Variants in KANSL1 observed in about 807,000 individuals in gnomAD.
KANSL1 encodes the protein KAT8 regulatory NSL complex subunit 1.
KANSL1 carries 22 observed loss-of-function variants against 103.6 expected under a neutral mutation model. The ratio of observed to expected loss-of-function variants is 0.21; its 90% CI spans 0.15 to 0.30. KANSL1 has a LOEUF of 0.30. Among genes scored for constraint, KANSL1 ranks in the 10% least tolerant of loss-of-function variants. The pLI is 1.00. For synonymous variants in KANSL1, 600 were observed against 527.6 expected, an observed-to-expected ratio of 1.14 and a Z score of -1.88; for missense variants, 1,337 against 1,399.8, an observed-to-expected ratio of 0.96 and a Z score of 0.72.
chr17:46,104,898 C>A (rs1032159824), intron 2 of KANSL1, among the ~76,000 whole-genome samples: 2 of 152,112 alleles, frequency 1.3e-5, no homozygotes, highest in African/African-American at 4.8e-5. Context: ...TCACTGCAAC[C>A]TCTGCTTCCC....
intron 2 of KANSL1, among the ~76,000 whole-genome samples, chr17:46,138,691 G>C (rs1402934612): frequency 6.6e-6 from 1 of 152,248 alleles, no homozygotes; most frequent in African/African-American, 2.4e-5. Flanking sequence ...CTAGTTGTGT[G>C]AATACATACG....
chr17:46,115,725 G>C (rs902272916), intron 2 of KANSL1, among the ~76,000 whole-genome samples: 2 of 152,184 alleles, frequency 1.3e-5, no homozygotes, highest in Non-Finnish European at 2.9e-5. Flanking sequence ...CTTTAGGAAA[G>C]CCAACCGATA....
Position 46,031,457 on chromosome 17 carries a change from T to A in KANSL1, c.*19A>T. 6.3e-7 allele frequency: 1 copy of A among 1,578,238 alleles called. No homozygotes were observed. The highest frequency in any genetic ancestry group is 8.7e-7 in the Non-Finnish European group (1 of 1,155,630). On this transcript the variant is annotated 3_prime_UTR_variant, in exon 15 of 15. Coordinates refer to ENST00000432791, the MANE Select transcript of KANSL1 (RefSeq NM_015443.4). ...TAATGCCAATAGTTAGTGAGTCTGTTTAGATGGCTGTCTCCCGCTCATCTG... is the reference window on the plus strand; with the variant it reads ...TAATGCCAATAGTTAGTGAGTCTGTATAGATGGCTGTCTCCCGCTCATCTG...
intron 2 of KANSL1, among the ~76,000 whole-genome samples, chr17:46,098,705 T>C (rs1334243972): frequency 6.6e-6 from 1 of 152,236 alleles, no homozygotes; most frequent in African/African-American, 2.4e-5. Flanking sequence ...ACAAGTTTCA[T>C]TTTACAAGTG....
chr17:46,033,012 A>G (rs917130986), intron 13 of KANSL1, 68 bp downstream of exon 13: 12 of 1,259,164 alleles, frequency 9.5e-6, no homozygotes, highest in Non-Finnish European at 1.3e-5. Flanking sequence ...CCATGGACTC[A>G]AGTAGGGCCC....
chr17:46,216,517 T>C (rs938424951), intron 1 of KANSL1, among the ~76,000 whole-genome samples: 1 of 149,144 alleles, frequency 6.7e-6, no homozygotes, highest in African/African-American at 2.5e-5. Context: ...GAGAATTGCT[T>C]GAACCCAGGA....
chr17:46,207,973 T>G (rs2048028571), intron 1 of KANSL1, among the ~76,000 whole-genome samples: 1 of 151,988 alleles, frequency 6.6e-6, no homozygotes, highest in African/African-American at 2.4e-5. Flanking sequence ...TAGCCAGGTG[T>G]GATGGTAGGC....
Position 46,032,279 on chromosome 17 carries a change from C to A in KANSL1, c.2858G>T (p.Gly953Val). Residue 953 changes from glycine (G) to valine (V), a missense_variant, in exon 14 of 15, where the codon GGC becomes GTC. This residue lies in a region of KANSL1 where 780 missense variants were observed against 923.4 expected (regional missense o/e 0.84). Transcript: ENST00000432791. ...ACTGCCCAGCTGGGGGGTTGTCCGG[C>A]CGTCTGATGACCTGTAGGACCTGCA... ...RGSRSYRSSD[G>V]RTTPQLGSAN... is the part of the protein sequence containing the mutation. 2 of 1,527,414 alleles carry A rather than the reference C, an allele frequency of 1.3e-6. No homozygotes were observed. The highest frequency in any genetic ancestry group is 1.8e-6 in the Non-Finnish European group (2 of 1,137,658). 94.6% of individuals were successfully genotyped at this position (1,527,414 alleles called of 1,614,324 possible).
At chr17:46,112,628 T>C (rs1383909359) in intron 2 of KANSL1, among the ~76,000 whole-genome samples, 2 of 148,682 alleles carry the variant, frequency 1.3e-5, no homozygotes, top group Non-Finnish European at 2.9e-5. Context: ...GAGGTTGTAG[T>C]GAGCCAAGAT....
intron 1 of KANSL1, among the ~76,000 whole-genome samples, chr17:46,177,619 AG>A (rs202015480): frequency 0.014 from 2,069 of 148,250 alleles, 1 homozygote; most frequent in Middle Eastern, 0.032. Flanking sequence ...TGCTTTAAAA[AG>A]TCATTGGTTA....
chr17:46,140,244 G>T (rs1480586603), intron 2 of KANSL1, among the ~76,000 whole-genome samples: 1 of 152,058 alleles, frequency 6.6e-6, no homozygotes, highest in Non-Finnish European at 1.5e-5. Flanking sequence ...AAAATTTTAA[G>T]CTGCAAATAA....
chr17:46,220,129 A>G (rs1348980750), intron 1 of KANSL1, among the ~76,000 whole-genome samples: 1 of 152,178 alleles, frequency 6.6e-6, no homozygotes, highest in Non-Finnish European at 1.5e-5. Flanking sequence ...AAACAAAAAA[A>G]CTATTCTCTC....
chr17:46,153,724 T>C (rs1009116764), intron 2 of KANSL1, among the ~76,000 whole-genome samples: 4 of 152,086 alleles, frequency 2.6e-5, no homozygotes, highest in African/African-American at 9.7e-5. Context: ...TCCATTACAT[T>C]TGAAGAAATG....
At position 46,071,230 on chromosome 17, in the gene KANSL1, C is replaced by T. The variant is rs138066218; in HGVS notation, c.1534-3563G>A. ...ATTAACATGGAAATGTTGTCAAGAA[C>T]ATAGAGGTATACAGAGGTCAAGAGC... On this transcript the variant is annotated intron_variant, in intron 4 of 14. Transcript: ENST00000432791. Among the ~76,000 whole-genome samples the T allele has an allele frequency of 3.9e-5, 6 of 152,206 alleles. No individual in the cohort carries two copies. The East Asian group carries it at 1.2e-3, about 29-fold the overall frequency.
At chr17:46,139,413 A>AT (rs1323196019) in intron 2 of KANSL1, among the ~76,000 whole-genome samples, 2 of 152,054 alleles carry the variant, frequency 1.3e-5, no homozygotes, top group Non-Finnish European at 2.9e-5. Flanking sequence ...GAAGTTACTC[A>AT]TTTTCCATTA....
At chr17:46,200,421 G>A (rs116617693) in intron 1 of KANSL1, among the ~76,000 whole-genome samples, 76 of 152,314 alleles carry the variant, frequency 5.0e-4, no homozygotes, top group African/African-American at 1.7e-3. Context: ...GGAGGCAGCA[G>A]GTGTACAAGG....
chr17:46,150,887 T>C (rs554183411), intron 2 of KANSL1, among the ~76,000 whole-genome samples: 29 of 148,900 alleles, frequency 1.9e-4, no homozygotes, highest in Admixed American at 1.7e-3. Flanking sequence ...TAAACAGAAA[T>C]TTAAGAACAG....
intron 12 of KANSL1, 53 bp downstream of exon 12, chr17:46,033,350 T>C (rs1405977750): frequency 6.5e-7 from 1 of 1,549,078 alleles, no homozygotes; most frequent in Non-Finnish European, 8.9e-7. Flanking sequence ...CACTCATATG[T>C]ATGTGTGCAT....
At chr17:46,178,934 C>A (rs1317800828) in intron 1 of KANSL1, among the ~76,000 whole-genome samples, 1 of 152,172 alleles carries the variant, frequency 6.6e-6, no homozygotes. Flanking sequence ...ACCATCGGTC[C>A]AAGGACAAAC....
Sources: allele counts gnomAD v4.1 joint callset (sites outside exome capture counted in the v4.1 genomes callset), GRCh38; gene constraint gnomAD v4.1.1; regional missense constraint gnomAD v4.1.1; transcripts MANE v1.5; gene names NCBI Gene and HGNC (gene_info 2026-07-23, HGNC 2026-07-21).